The following PMEPA1 variants were observed in gnomAD, a reference collection of about 807,000 sequenced individuals.
PMEPA1 encodes prostate transmembrane protein, androgen induced 1.
PMEPA1 carries 11 observed loss-of-function variants against 23.0 expected under a neutral mutation model. The ratio of observed to expected loss-of-function variants is 0.48; its 90% CI spans 0.30 to 0.79. The LOEUF is 0.79. Ranked by LOEUF, PMEPA1 falls within the 30% of genes least tolerant of loss-of-function variation. The pLI is 0.06. For synonymous variants in PMEPA1, 204 were observed against 166.4 expected (o/e 1.23, Z -1.74); for missense variants, 377 against 390.9 (o/e 0.96, Z 0.30).
chr20:57,670,331 A>G (rs955059667), intron 1 of PMEPA1, among the ~76,000 whole-genome samples: 7 of 152,132 alleles, frequency 4.6e-5, no homozygotes, highest in African/African-American at 1.7e-4. Context: ...GGTGCAGCAC[A>G]GCTAATGGGC....
intron 1 of PMEPA1, among the ~76,000 whole-genome samples, chr20:57,669,040 A>G (rs1174619427): frequency 6.6e-6 from 1 of 152,194 alleles, no homozygotes; most frequent in Non-Finnish European, 1.5e-5. Context: ...CCTCTGGAAT[A>G]TCAGTGGCTC....
At chr20:57,696,308 C>T (rs59666207) in intron 1 of PMEPA1, among the ~76,000 whole-genome samples, 40 of 152,268 alleles carry the variant, frequency 2.6e-4, no homozygotes, top group Middle Eastern at 3.4e-3. Flanking sequence ...TGAGCCTGGG[C>T]GCCCCTGGGG....
At position 57,706,181 on chromosome 20, in the gene PMEPA1, C is replaced by T. The variant is rs143927157; in HGVS notation, c.109+3293G>A. ...GGCACCTCCCAGAACTCTCAGGAAA[C>T]GCCTCCCGCGTGAGCAGACACCGGG... On this transcript the variant is annotated intron_variant, in intron 1 of 3. Coordinates refer to ENST00000341744, the MANE Select transcript of PMEPA1 (RefSeq NM_020182.5). 6.4e-4 allele frequency among the ~76,000 whole-genome samples: 97 copies of T among 152,294 alleles called. No individual in the cohort carries two copies. The East Asian group carries it at 0.011, about 18-fold the overall frequency.
chr20:57,692,703 C>T (rs1269843355), intron 1 of PMEPA1, among the ~76,000 whole-genome samples: 1 of 152,218 alleles, frequency 6.6e-6, no homozygotes, highest in African/African-American at 2.4e-5. Context: ...TTGTGGAAGC[C>T]ATGGTCACCT....
chr20:57,709,933 C>G lies in PMEPA1; in HGVS notation c.-351G>C. On this transcript the variant is annotated 5_prime_UTR_variant, in exon 1 of 4. Coordinates refer to ENST00000341744, the MANE Select transcript of PMEPA1 (RefSeq NM_020182.5). ...CGAGCGCCTCCGCCGCCGCCGCCGCCGCCGCCTCCTCCTCCTCATTCAAGT... is the reference window on the plus strand; with the variant it reads ...CGAGCGCCTCCGCCGCCGCCGCCGCGGCCGCCTCCTCCTCCTCATTCAAGT... 1 of 1,011,760 alleles carries G rather than the reference C, an allele frequency of 9.9e-7. No homozygotes were observed. Among genetic ancestry groups the G allele is most frequent in the Non-Finnish European group, 1.2e-6 (1 of 850,236 alleles). 62.7% of individuals were successfully genotyped at this position (1,011,760 alleles called of 1,614,324 possible). A position where few individuals can be genotyped will look rare whatever the true frequency, so the allele number is the denominator to read the frequency against.
chr20:57,710,026 G>A, upstream of PMEPA1: 1 of 996,828 alleles, frequency 1.0e-6, no homozygotes, highest in African/African-American at 1.7e-5. Context: ...GTCAGCGCTA[G>A]ACGGGGCTGC....
chr20:57,676,654 C>A (rs550981965), intron 1 of PMEPA1, among the ~76,000 whole-genome samples: 2 of 152,326 alleles, frequency 1.3e-5, no homozygotes, highest in South Asian at 4.1e-4. Flanking sequence ...CTCAAGGGGC[C>A]GACTGGCTGG....
In PMEPA1 at chr20:57,659,821, G is replaced by C. The variant is rs1009806413; in HGVS notation, c.110-124C>G. On this transcript the variant is annotated intron_variant, in intron 1 of 3. Coordinates refer to ENST00000341744, the MANE Select transcript of PMEPA1 (RefSeq NM_020182.5). The stretch of plus-strand genomic sequence containing the variant: ...GAGAGTGCAACCCAGACTCAGGAAA[G>C]CCCCCGCCACTCTCCCGGCAAGGTC... 1.0e-5 allele frequency: 9 copies of C among 862,376 alleles called. No homozygotes were observed. In the Middle Eastern group the frequency reaches 2.8e-3, roughly 265 times the overall value. The allele number at this position is 862,376 out of a possible 1,614,324, so 53.4% of individuals were successfully genotyped here. A position where few individuals can be genotyped will look rare whatever the true frequency, so the allele number is the denominator to read the frequency against.
At chr20:57,666,474 C>A (rs537723842) in intron 1 of PMEPA1, among the ~76,000 whole-genome samples, 1 of 152,166 alleles carries the variant, frequency 6.6e-6, no homozygotes. Context: ...CGCCAAAGAC[C>A]GCACAGTCCA....
rs56747812 is a variant in PMEPA1, at chr20:57,683,547, C to CTGTGTGTGTGTGTGCG, written c.110-23851_110-23850insCGCACACACACACACA. 1.2e-3 allele frequency among the ~76,000 whole-genome samples: 171 copies of CTGTGTGTGTGTGTGCG among 139,934 alleles called. 1 individual carries two copies. Among genetic ancestry groups the CTGTGTGTGTGTGTGCG allele is most frequent in the African/African-American group, 1.7e-3 (58 of 33,804 alleles). 91.8% of individuals were successfully genotyped at this position (139,934 alleles called of 152,430 possible). ...ACTAACTCGGTGGTGGTGTTCTGGCCTGTGTGCGTGTGTGTGTGTGTGTGT... is the reference window on the plus strand; with the variant it reads ...ACTAACTCGGTGGTGGTGTTCTGGCCTGTGTGTGTGTGTGCGTGTGTGCGTGTGTGTGTGTGTGTGT... On this transcript the variant is annotated intron_variant, in intron 1 of 3. Transcript: ENST00000341744. The surrounding 1 kb of genome is among the most constrained non-coding windows in gnomAD (Gnocchi z 4.3).
chr20:57,690,736 A>G, intron 1 of PMEPA1: 1 of 360,096 alleles, frequency 2.8e-6, no homozygotes, highest in Non-Finnish European at 4.7e-6. Flanking sequence ...CGCCCAGCCG[A>G]CCCCCACCTG....
At position 57,709,546 on chromosome 20, in the gene PMEPA1, C is replaced by A. The variant is rs1452128154; in HGVS notation, c.37G>T (p.Ala13Ser). 4 of 1,093,726 alleles carry A rather than the reference C, an allele frequency of 3.7e-6. No individual in the cohort carries two copies. The highest frequency in any genetic ancestry group is 4.5e-6 in the Non-Finnish European group (4 of 881,778). 67.8% of individuals were successfully genotyped at this position (1,093,726 alleles called of 1,614,324 possible). A position where few individuals can be genotyped will look rare whatever the true frequency, so the allele number is the denominator to read the frequency against. ...RLMGVNSTAAAAAGQPNVSCT... is the reference protein window; with the variant it reads ...RLMGVNSTAASAAGQPNVSCT... ...GAGACATTGGGCTGCCCGGCGGCGG[C>A]GGCGGCGGTGCTGTTGACCCCCATC... is the stretch of plus-strand genomic sequence containing the variant. Residue 13 changes from alanine to serine, a missense_variant, in exon 1 of 4, where the codon GCC (alanine) becomes TCC (serine). Ala to Ser is a moderately conservative substitution (Grantham distance 99). Around this residue, in one of 3 missense-constraint regions of PMEPA1, gnomAD observed 198 missense variants for 196.3 expected, o/e 1.01. Transcript: ENST00000341744.
rs1386411001 is a variant in PMEPA1 at position 57,652,734 on chromosome 20, G to A, written c.319-136C>T. 3 of 853,516 alleles carry A rather than the reference G, an allele frequency of 3.5e-6. No homozygotes were observed. The highest frequency in any genetic ancestry group is 5.3e-6 in the Non-Finnish European group (3 of 568,900). The allele number at this position is 853,516 out of a possible 1,614,324, so 52.9% of individuals were successfully genotyped here. A position where few individuals can be genotyped will look rare whatever the true frequency, so the allele number is the denominator to read the frequency against. On this transcript the variant is annotated intron_variant, in intron 3 of 3. Transcript: ENST00000341744. This position sits in a 1 kb window ranked among gnomAD's most constrained non-coding sequence, Gnocchi z 6.1. ...GGAGAGGGCAGCAGGGCTGGCGGGG[G>A]CGGGAGCCCAGAGCCTGATCCCGCG... is the stretch of plus-strand genomic sequence containing the variant.
chr20:57,670,678 G>A (rs62204303), intron 1 of PMEPA1, among the ~76,000 whole-genome samples: 5 of 152,072 alleles, frequency 3.3e-5, no homozygotes, highest in East Asian at 1.9e-4. Flanking sequence ...GTTGTATTCC[G>A]TCCCCAGCCA....
At chr20:57,672,561 C>T (rs767352194) in intron 1 of PMEPA1, among the ~76,000 whole-genome samples, 6 of 152,238 alleles carry the variant, frequency 3.9e-5, no homozygotes, top group Admixed American at 1.3e-4. Flanking sequence ...CAGTCGGCGA[C>T]GGGCACCGTC....
chr20:57,679,076 T>C (rs1225253537), intron 1 of PMEPA1, among the ~76,000 whole-genome samples: 2 of 152,162 alleles, frequency 1.3e-5, no homozygotes, highest in East Asian at 3.8e-4. Flanking sequence ...CTCCAGAACA[T>C]GGAACAGAAC....
At chr20:57,691,858 A>T (rs1488485013) in intron 1 of PMEPA1, 1 of 152,228 alleles carries the variant, frequency 6.6e-6, no homozygotes, top group Non-Finnish European at 1.5e-5. Context: ...GGTCTTGAAC[A>T]ACTACCTCCA....
In PMEPA1 at chr20:57,652,893, G is replaced by C. The variant is rs1340200688; in HGVS notation, c.318+140C>G. ...AGGGGCAGGGAGCAGATGATCTCCG[G>C]CAAGGAGGATCCCAGCAGCAAGGGC... On this transcript the variant is annotated intron_variant, in intron 3 of 3. Coordinates refer to ENST00000341744, the MANE Select transcript of PMEPA1 (RefSeq NM_020182.5). The surrounding 1 kb of genome is among the most constrained non-coding windows in gnomAD (Gnocchi z 6.1). 7 of 774,790 alleles carry C rather than the reference G, an allele frequency of 9.0e-6. No homozygotes were observed. The Admixed American group carries it at 1.4e-4, about 16-fold the overall frequency. 48.0% of individuals were successfully genotyped at this position (774,790 alleles called of 1,614,324 possible).
intron 1 of PMEPA1, among the ~76,000 whole-genome samples, chr20:57,675,823 G>A (rs1211441542): frequency 1.3e-5 from 2 of 152,234 alleles, no homozygotes; most frequent in Non-Finnish European, 2.9e-5. Context: ...TGTCTCCGGT[G>A]TGTGACTGTC....
Sources: gnomAD v4.1 joint callset for allele counts (sites outside exome capture counted in the v4.1 genomes callset) on GRCh38, gnomAD v4.1.1 for gene constraint, gnomAD v4.1.1 regional missense constraint, Gnocchi (gnomAD v3.1) non-coding constraint, MANE v1.5 for transcripts, NCBI Gene and HGNC (gene_info 2026-07-23, HGNC 2026-07-21) for gene names.